The following GPC6 variants were observed in gnomAD, a reference collection of about 807,000 sequenced individuals.
GPC6 encodes the protein glypican-6.
A neutral mutation model predicts 55.2 loss-of-function variants in GPC6; 14 were observed. That is an observed-to-expected ratio of 0.25 (90% CI 0.17 to 0.40). The LOEUF (loss-of-function observed/expected upper bound fraction) is 0.40. Among genes scored for constraint, GPC6 ranks in the 10% least tolerant of loss-of-function variants. The probability of loss-of-function intolerance (pLI) is 1.00; values close to 1 mark genes in which losing one functional copy is unlikely to be tolerated. For synonymous variants in GPC6, 278 were observed against 259.6 expected (o/e 1.07, Z -0.68); for missense variants, 641 against 708.5 (o/e 0.90, Z 1.08).
At chr13:94,345,412 C>T (rs1490545397) in intron 6 of GPC6, among the ~76,000 whole-genome samples, 6 of 152,168 alleles carry the variant, frequency 3.9e-5, no homozygotes, top group Admixed American at 3.9e-4. Context: ...AGCAAGCTCC[C>T]TCTGAGTACT....
At chr13:94,165,549 G>A (rs965222428) in intron 4 of GPC6, among the ~76,000 whole-genome samples, 13 of 151,918 alleles carry the variant, frequency 8.6e-5, no homozygotes, top group Non-Finnish European at 8.8e-5. Context: ...ACTACATACC[G>A]CTTAGGTGAT....
At chr13:93,681,359 A>C (rs1343656743) in intron 2 of GPC6, among the ~76,000 whole-genome samples, 1 of 152,162 alleles carries the variant, frequency 6.6e-6, no homozygotes, top group Non-Finnish European at 1.5e-5. Flanking sequence ...TAATTCTGCT[A>C]TTTGAAAAAT....
At chr13:94,327,204 G>T (rs951671232) in intron 6 of GPC6, among the ~76,000 whole-genome samples, 18 of 152,114 alleles carry the variant, frequency 1.2e-4, no homozygotes, top group Non-Finnish European at 2.6e-4. Context: ...GGCTGTTCAC[G>T]TAGCTGTAAC....
At chr13:93,363,138 A>AATTTTTTTT (rs1881107259) in intron 1 of GPC6, among the ~76,000 whole-genome samples, 1 of 114,298 alleles carries the variant, frequency 8.7e-6, no homozygotes, top group Non-Finnish European at 1.9e-5. Flanking sequence ...TGTTTTTTTT[A>AATTTTTTTT]AAATTATTAT....
intron 4 of GPC6, among the ~76,000 whole-genome samples, chr13:94,269,027 T>A (rs1261730164): frequency 6.6e-6 from 1 of 152,096 alleles, no homozygotes; most frequent in Non-Finnish European, 1.5e-5. Context: ...CCATTAAGCT[T>A]GTTTTATTTT....
intron 1 of GPC6, among the ~76,000 whole-genome samples, chr13:93,493,477 C>T (rs1424684415): frequency 9.1e-6 from 1 of 110,480 alleles, no homozygotes; most frequent in Non-Finnish European, 1.9e-5. Context: ...AAACCAGCTC[C>T]TGGATTCCTT....
chr13:94,233,807 T>A (rs1032362860), intron 4 of GPC6, among the ~76,000 whole-genome samples: 1 of 152,198 alleles, frequency 6.6e-6, no homozygotes, highest in African/African-American at 2.4e-5. Context: ...TGTTAATCTC[T>A]TACTGTGCCT....
intron 4 of GPC6, among the ~76,000 whole-genome samples, chr13:94,065,484 A>C (rs1049950793): frequency 6.6e-6 from 1 of 152,222 alleles, no homozygotes; most frequent in Non-Finnish European, 1.5e-5. Context: ...TCATTATTAC[A>C]TGGGACAGAA....
chr13:94,322,779 G>T (rs1876899400), intron 6 of GPC6, among the ~76,000 whole-genome samples: 1 of 152,016 alleles, frequency 6.6e-6, no homozygotes, highest in Non-Finnish European at 1.5e-5. Flanking sequence ...AAAGCAGCAG[G>T]GTTGGTCACA....
chr13:93,773,644 C>A (rs150096219), intron 2 of GPC6, among the ~76,000 whole-genome samples: 2 of 152,132 alleles, frequency 1.3e-5, no homozygotes, highest in Admixed American at 6.6e-5. Context: ...TTCTCACCTA[C>A]GTTTCACGGG....
intron 3 of GPC6, among the ~76,000 whole-genome samples, chr13:94,021,140 T>A (rs1260250194): frequency 6.6e-6 from 1 of 152,088 alleles, no homozygotes; most frequent in African/African-American, 2.4e-5. Context: ...TCTAGCTGAA[T>A]GTTTTACTTA....
chr13:93,780,386 C>A (rs924952108), intron 2 of GPC6, among the ~76,000 whole-genome samples: 1 of 152,136 alleles, frequency 6.6e-6, no homozygotes, highest in East Asian at 1.9e-4. Flanking sequence ...ATTAGCTTAG[C>A]CATCATTGTG....
chr13:93,414,147 G>C (rs1009702731), intron 1 of GPC6, among the ~76,000 whole-genome samples: 1 of 152,096 alleles, frequency 6.6e-6, no homozygotes, highest in Admixed American at 6.6e-5. Flanking sequence ...CGACCTTTGA[G>C]TGGTTGCTTG....
intron 5 of GPC6, among the ~76,000 whole-genome samples, chr13:94,288,088 T>G (rs1353908030): frequency 6.6e-6 from 1 of 152,060 alleles, no homozygotes; most frequent in African/African-American, 2.4e-5. Flanking sequence ...CAGGAGTGAA[T>G]AAGGCACCAT....
chr13:93,739,369 C>T lies in GPC6; in HGVS notation c.320-90785C>T, dbSNP rs963161005. On this transcript the variant is annotated intron_variant, in intron 2 of 8. Transcript: ENST00000377047. ...TGTATGTATTAAAGCTCAAAAGAAA[C>T]TTTTAATTATACATAATAAATAAGT... Among the ~76,000 whole-genome samples the T allele has an allele frequency of 1.6e-4, 25 of 151,606 alleles. 1 individual carries two copies. Among genetic ancestry groups the T allele is most frequent in the Non-Finnish European group, 4.4e-5 (3 of 67,932 alleles).
At chr13:93,726,382 C>G (rs902366739) in intron 2 of GPC6, among the ~76,000 whole-genome samples, 35 of 152,140 alleles carry the variant, frequency 2.3e-4, no homozygotes, top group Non-Finnish European at 3.4e-4. Context: ...TTGAAACTCC[C>G]TGGCCAATAA....
chr13:93,510,975 A>ATATATATG lies in GPC6; in HGVS notation c.161-34281_161-34280insGTATATAT, dbSNP rs1880940773. Among the ~76,000 whole-genome samples the ATATATATG allele has an allele frequency of 4.3e-3, 30 of 6,982 alleles. 3 individuals carry two copies. The highest frequency in any genetic ancestry group is 4.7e-3 in the African/African-American group (22 of 4,726). 4.6% of individuals were successfully genotyped at this position (6,982 alleles called of 152,430 possible). A position where few individuals can be genotyped will look rare whatever the true frequency, so the allele number is the denominator to read the frequency against. The stretch of plus-strand genomic sequence containing the variant: ...AATATATATATATATATATATGTGT[A>ATATATATG]TATATATATGTGTATATATATATAT... On this transcript the variant is annotated intron_variant, in intron 1 of 8. Transcript: ENST00000377047.
At chr13:93,457,629 G>C (rs1878505040) in intron 1 of GPC6, among the ~76,000 whole-genome samples, 2 of 152,080 alleles carry the variant, frequency 1.3e-5, no homozygotes, top group Admixed American at 6.6e-5. Context: ...AGCTCCGAAA[G>C]GTTTAGGACC....
chr13:94,314,192 T>G (rs1393729019), intron 6 of GPC6, among the ~76,000 whole-genome samples: 1 of 152,224 alleles, frequency 6.6e-6, no homozygotes, highest in Non-Finnish European at 1.5e-5. Context: ...TAGAGGCTCA[T>G]GGAATATTAA....
Sources: gnomAD v4.1 joint callset for allele counts (sites outside exome capture counted in the v4.1 genomes callset) on GRCh38, gnomAD v4.1.1 for gene constraint, MANE v1.5 for transcripts, NCBI Gene and HGNC (gene_info 2026-07-23, HGNC 2026-07-21) for gene names.